Variants in NEIL3 observed in about 807,000 individuals in gnomAD.
The protein encoded by NEIL3 is endonuclease 8-like 3.
A neutral mutation model predicts 57.5 loss-of-function variants in NEIL3; 48 were observed. The ratio of observed to expected loss-of-function variants is 0.83; its 90% CI spans 0.66 to 1.06. The LOEUF (loss-of-function observed/expected upper bound fraction) is 1.06, where lower values mean the gene tolerates loss of function less well. Ranked by LOEUF, NEIL3 falls within the 50% of genes least tolerant of loss-of-function variation. NEIL3 has a pLI of 0.00. For synonymous variants in NEIL3, 261 were observed against 253.2 expected, an observed-to-expected ratio of 1.03 and a Z score of -0.29; for missense variants, 717 against 739.1, an observed-to-expected ratio of 0.97 and a Z score of 0.35.
In NEIL3 at chr4:177,353,743, A is replaced by G. The variant is rs1311495305; in HGVS notation, c.1460+15A>G. The G allele has an allele frequency of 6.3e-7, 1 of 1,576,576 alleles. No homozygotes were observed. Among genetic ancestry groups the G allele is most frequent in the Non-Finnish European group, 8.6e-7 (1 of 1,166,944 alleles). On this transcript the variant is annotated intron_variant, in intron 8 of 9. Transcript: ENST00000264596. ...TATTCTAACAGGTATGATGCTTTTA[A>G]CCTTGGTCTTTAAGATAATTGCTTT...
At chr4:177,321,540 G>A (rs1285374400) in intron 1 of NEIL3, among the ~76,000 whole-genome samples, 7 of 151,884 alleles carry the variant, frequency 4.6e-5, no homozygotes, top group East Asian at 3.9e-4. Flanking sequence ...TAAACCAAAC[G>A]CCCTTTCTTT....
chr4:177,358,811 A>T (rs184937616), intron 8 of NEIL3, among the ~76,000 whole-genome samples: 2 of 152,332 alleles, frequency 1.3e-5, no homozygotes, highest in East Asian at 3.9e-4. Context: ...TGAAACAAGT[A>T]GGTTAGAAAA....
At chr4:177,363,507 C>T (rs865975847), downstream of NEIL3, among the ~76,000 whole-genome samples, 2 of 152,132 alleles carry the variant, frequency 1.3e-5, no homozygotes, top group South Asian at 2.1e-4. Flanking sequence ...AGACCAGGAA[C>T]TGGACTGGAC....
chr4:177,334,460 T>G (rs1163967102), intron 2 of NEIL3, among the ~76,000 whole-genome samples: 1 of 152,184 alleles, frequency 6.6e-6, no homozygotes, highest in East Asian at 1.9e-4. Context: ...CCTTTGAGAT[T>G]TTTTATGTGG....
chr4:177,366,774 GTTA>G (rs1735698454), downstream of NEIL3, among the ~76,000 whole-genome samples: 1 of 152,126 alleles, frequency 6.6e-6, no homozygotes, highest in Non-Finnish European at 1.5e-5. Flanking sequence ...TTATTAGATT[GTTA>G]TTGAGATCCC....
At chr4:177,369,266 C>T in the NEIL3 span, among the ~76,000 whole-genome samples, 14 of 152,176 alleles carry the variant, frequency 9.2e-5, no homozygotes, top group African/African-American at 2.2e-4. Flanking sequence ...GATTTGCATA[C>T]GTAGAAGGGC....
chr4:177,351,206 C>CAAAAAAAAAAAAAAA (rs749430879), intron 6 of NEIL3, among the ~76,000 whole-genome samples, 174 bp from the exon 7 acceptor site: 1 of 58,518 alleles, frequency 1.7e-5, no homozygotes, highest in African/African-American at 7.8e-5. Flanking sequence ...CCCATCTCTA[C>CAAAAAAAAAAAAAAA]AAAAAAAAAA....
chr4:177,370,085 A>G, the NEIL3 span, among the ~76,000 whole-genome samples: 1 of 152,220 alleles, frequency 6.6e-6, no homozygotes, highest in Non-Finnish European at 1.5e-5. Context: ...AACAGAGTCC[A>G]GAAGTTCAAA....
chr4:177,368,482 A>G, the NEIL3 span, among the ~76,000 whole-genome samples: 1 of 152,202 alleles, frequency 6.6e-6, no homozygotes, highest in Non-Finnish European at 1.5e-5. Context: ...TTTCTGGAGT[A>G]TACTATGGTC....
intron 2 of NEIL3, among the ~76,000 whole-genome samples, chr4:177,334,520 C>A (rs1282736132): frequency 2.0e-5 from 3 of 152,060 alleles, no homozygotes; most frequent in Non-Finnish European, 4.4e-5. Context: ...ATGAGCCATG[C>A]AGCTGAAAAG....
Position 177,362,323 on chromosome 4 carries a change from G to A in NEIL3, c.1670G>A (p.Gly557Asp). Residue 557 changes from glycine (G) to aspartate (D), a missense_variant, in exon 10 of 10, where the codon GGC becomes GAC. Coordinates refer to ENST00000264596, the MANE Select transcript of NEIL3 (RefSeq NM_018248.3). ...TTGTCCTTCCCATTCTGCAACCATG[G>A]CAAGCGTTCCACCATGAAAACAGTA... is the stretch of plus-strand genomic sequence containing the variant. ...ADLSFPFCNHGKRSTMKTVLK... is the reference protein window; with the variant it reads ...ADLSFPFCNHDKRSTMKTVLK... 1.2e-6 allele frequency: 2 copies of A among 1,607,436 alleles called. No individual in the cohort carries two copies. The highest frequency in any genetic ancestry group is 1.7e-6 in the Non-Finnish European group (2 of 1,177,448).
chr4:177,328,982 C>G (rs1696648945), intron 2 of NEIL3, among the ~76,000 whole-genome samples: 1 of 152,004 alleles, frequency 6.6e-6, no homozygotes, highest in Non-Finnish European at 1.5e-5. Flanking sequence ...TAACTTGTAT[C>G]TCAGTAATAT....
intron 1 of NEIL3, 34 bp downstream of exon 1, chr4:177,310,143 CA>C (rs1187375090): frequency 6.6e-7 from 1 of 1,513,098 alleles, no homozygotes; most frequent in African/African-American, 1.4e-5. Context: ...ATGCAGTCAG[CA>C]GGGGGGAAAT....
the NEIL3 span, among the ~76,000 whole-genome samples, chr4:177,370,147 C>T: frequency 3.3e-5 from 5 of 152,110 alleles, no homozygotes; most frequent in Non-Finnish European, 2.9e-5. Flanking sequence ...TCCAATGAGA[C>T]ATCAAAAATT....
chr4:177,339,766 GT>G lies in NEIL3; in HGVS notation c.628-11del. The G allele has an allele frequency of 1.3e-6, 2 of 1,590,684 alleles. No homozygotes were observed. Among genetic ancestry groups the G allele is most frequent in the Non-Finnish European group, 1.7e-6 (2 of 1,159,436 alleles). ...GCAAGTCATGAAACTAGGCTCTGCT[GT>G]TTTTTCCACTTCAAGGTTTGTCAAT... On this transcript the variant is annotated splice_polypyrimidine_tract_variant and intron_variant, in intron 4 of 9. Coordinates refer to ENST00000264596, the MANE Select transcript of NEIL3 (RefSeq NM_018248.3).
chr4:177,313,858 G>A (rs960080077), intron 1 of NEIL3, among the ~76,000 whole-genome samples: 1 of 152,150 alleles, frequency 6.6e-6, no homozygotes, highest in Non-Finnish European at 1.5e-5. Context: ...TTTGAATAGT[G>A]CAAAGTGATT....
In NEIL3 at chr4:177,322,500, C is replaced by T. The variant is rs1734704486; in HGVS notation, c.198C>T (p.Ser66=). 1.2e-6 allele frequency: 2 copies of T among 1,613,792 alleles called. No homozygotes were observed. The highest frequency in any genetic ancestry group is 1.7e-6 in the Non-Finnish European group (2 of 1,179,882). ...LNNDSSQNVL[S]LFNGYVYSGV... ...ATGATTCCAGCCAGAATGTCTTGAG[C>T]CTGTTTAATGGATATGTTTACAGTG... Residue 66 remains serine (S), a synonymous_variant, in exon 2 of 10, where the codon AGC becomes AGT. Coordinates refer to ENST00000264596, the MANE Select transcript of NEIL3 (RefSeq NM_018248.3).
intron 6 of NEIL3, among the ~76,000 whole-genome samples, chr4:177,345,486 A>G (rs1277184321): frequency 1.3e-5 from 2 of 150,256 alleles, no homozygotes; most frequent in Non-Finnish European, 3.0e-5. Flanking sequence ...TATTATTATT[A>G]TACTTTAAGT....
intron 2 of NEIL3, among the ~76,000 whole-genome samples, chr4:177,326,328 G>A (rs1399025779): frequency 1.3e-5 from 2 of 152,062 alleles, no homozygotes; most frequent in East Asian, 3.9e-4. Flanking sequence ...TTGCAACTTT[G>A]TTGAAAATTA....
Sources: allele counts gnomAD v4.1 joint callset (sites outside exome capture counted in the v4.1 genomes callset), GRCh38; gene constraint gnomAD v4.1.1; transcripts MANE v1.5; gene names NCBI Gene and HGNC (gene_info 2026-07-23, HGNC 2026-07-21).